DGCR6L: variants seen among roughly 807,000 people sequenced by gnomAD.
The protein encoded by DGCR6L is protein DGCR6L.
A neutral mutation model predicts 31.1 loss-of-function variants in DGCR6L; 24 were observed. The observed-to-expected ratio is 0.77, with a 90% CI of 0.56 to 1.08. The LOEUF is 1.08. Ranked by LOEUF, DGCR6L falls within the 50% of genes least tolerant of loss-of-function variation. The probability of loss-of-function intolerance (pLI) is 0.00; values close to 1 mark genes in which losing one functional copy is unlikely to be tolerated. For synonymous variants in DGCR6L, 104 were observed against 126.1 expected, an observed-to-expected ratio of 0.82 and a Z score of 1.17; for missense variants, 218 against 287.1, an observed-to-expected ratio of 0.76 and a Z score of 1.74.
chr22:20,315,021 C>T, intron 4 of DGCR6L, 197 bp from the exon 5 acceptor site: 1 of 1,336,122 alleles, frequency 7.5e-7, no homozygotes, highest in Non-Finnish European at 1.0e-6. Flanking sequence ...CCCAGCAGGG[C>T]CACTCGGAAT....
rs950871085 is a variant in DGCR6L at position 20,314,591 on chromosome 22, A to AG, written c.*83dup. On this transcript the variant is annotated 3_prime_UTR_variant, in exon 5 of 5. Transcript: ENST00000248879. ...GGGGTCCACCTGGTCTCTCCTCAGC[A>AG]GGGGGAACCCCCTGCGGGCAGCTGG... is the stretch of plus-strand genomic sequence containing the variant. 2.8e-5 allele frequency: 41 copies of AG among 1,480,284 alleles called. No homozygotes were observed. In the Admixed American group the frequency reaches 9.7e-4, roughly 35 times the overall value. 91.7% of individuals were successfully genotyped at this position (1,480,284 alleles called of 1,614,324 possible).
In DGCR6L at chr22:20,317,366, T is replaced by C. The variant is rs114963956; in HGVS notation, c.272-1147A>G. ...TGCCAGGTCCACTACCAGATTCCACTAGATAGACAACCAAAAGGCAAGAAG... is the reference window on the plus strand; with the variant it reads ...TGCCAGGTCCACTACCAGATTCCACCAGATAGACAACCAAAAGGCAAGAAG... On this transcript the variant is annotated intron_variant, in intron 2 of 4. Transcript: ENST00000248879. Among the ~76,000 whole-genome samples the C allele has an allele frequency of 4.9e-3, 745 of 152,318 alleles. 7 individuals are homozygous for C. The highest frequency in any genetic ancestry group is 0.017 in the African/African-American group (696 of 41,580).
At chr22:20,319,509 T>C (rs1346560323) in intron 2 of DGCR6L, 130 bp downstream of exon 2, 2 of 1,440,200 alleles carry the variant, frequency 1.4e-6, no homozygotes, top group East Asian at 5.0e-5. Flanking sequence ...TCTGCGCCCG[T>C]TGATTTTGTC....
chr22:20,319,744 G>A lies in DGCR6L; in HGVS notation c.166C>T (p.Leu56Phe). The A allele has an allele frequency of 2.5e-6, 4 of 1,612,888 alleles. No homozygotes were observed. Among genetic ancestry groups the A allele is most frequent in the Non-Finnish European group, 2.5e-6 (3 of 1,179,544 alleles). ...ACGATTTCGAACACGGTGCCGTCGA[G>A]AAGCGCCAGGGCCAGGTCGCTGAGC... The part of the protein sequence containing the change: ...TTLSDLALAL[L>F]DGTVFEIVQG... The change falls in exon 2 of 5, where the codon CTC becomes TTC. Residue 56 changes from leucine to phenylalanine, a missense_variant. By Grantham distance (22) the Leu-to-Phe change is conservative. Coordinates refer to ENST00000248879, the MANE Select transcript of DGCR6L (RefSeq NM_033257.4).
At chr22:20,318,412 T>A (rs1348002339) in intron 2 of DGCR6L, 1 of 152,256 alleles carries the variant, frequency 6.6e-6, no homozygotes, top group African/African-American at 2.4e-5. Context: ...GCATTTCGTC[T>A]GATAGATCAA....
In DGCR6L at chr22:20,320,001, C is replaced by A. The variant is rs746696851; in HGVS notation, c.-13G>T. The A allele has an allele frequency of 6.5e-7, 1 of 1,540,754 alleles. No individual in the cohort carries two copies. The highest frequency in any genetic ancestry group is 8.7e-7 in the Non-Finnish European group (1 of 1,149,624). On this transcript the variant is annotated 5_prime_UTR_variant, in exon 1 of 5. Coordinates refer to ENST00000248879, the MANE Select transcript of DGCR6L (RefSeq NM_033257.4). ...CGTAGCGCTCCATGGCGCGGACGCC[C>A]GCTAGCCGCCGGCGGCGGCGACGAG...
At chr22:20,315,907 G>T (rs1189918886) in intron 3 of DGCR6L, among the ~76,000 whole-genome samples, 2 of 152,196 alleles carry the variant, frequency 1.3e-5, no homozygotes, top group Non-Finnish European at 2.9e-5. Flanking sequence ...GGGAGCACTG[G>T]TGGGTTCTCA....
In DGCR6L at chr22:20,319,909, G is replaced by A. The variant is rs555364512; in HGVS notation, c.80C>T (p.Ala27Val). 3.7e-5 allele frequency: 59 copies of A among 1,610,800 alleles called. 1 individual carries two copies. The South Asian group carries it at 6.3e-4, about 17-fold the overall frequency. Residue 27 changes from alanine to valine, a missense_variant, in exon 1 of 5, where the codon GCG (alanine) becomes GTG (valine). Ala to Val is a moderately conservative substitution (Grantham distance 64). Around this residue, in one of 4 missense-constraint regions of DGCR6L, gnomAD observed 77 missense variants for 71.2 expected, o/e 1.08. Coordinates refer to ENST00000248879, the MANE Select transcript of DGCR6L (RefSeq NM_033257.4). ...CAACTCCTTCACCAGGCTCTGTAGC[G>A]CCGACAGCAACTGGTAGTGTCGCTC... Reference protein sequence around the residue: ...QQERHYQLLSALQSLVKELPS... With the variant: ...QQERHYQLLSVLQSLVKELPS...
chr22:20,316,750 G>A (rs760304156), intron 2 of DGCR6L, among the ~76,000 whole-genome samples: 22 of 152,180 alleles, frequency 1.4e-4, no homozygotes, highest in African/African-American at 4.8e-4. Flanking sequence ...CCCAGCCCCC[G>A]CACAGCGCCA....
chr22:20,316,159 T>C lies in DGCR6L; in HGVS notation c.332A>G (p.Asn111Ser), dbSNP rs758819813. 1.2e-6 allele frequency: 2 copies of C among 1,610,882 alleles called. No homozygotes were observed. The highest frequency in any genetic ancestry group is 1.1e-5 in the South Asian group (1 of 90,748). ...QEAQQACRPH[N>S]LPVVQAAQQR... Reference sequence around the variant, plus strand: ...CTGAGCCGCCTGAACCACAGGCAGGTTGTGGGGCCGGCAGGCCTGCTGGGC... The same window carrying C: ...CTGAGCCGCCTGAACCACAGGCAGGCTGTGGGGCCGGCAGGCCTGCTGGGC... The change falls in exon 3 of 5, where the codon AAC becomes AGC. Residue 111 changes from asparagine (N) to serine (S), a missense_variant. Asn to Ser is a conservative substitution (Grantham distance 46). Coordinates refer to ENST00000248879, the MANE Select transcript of DGCR6L (RefSeq NM_033257.4).
rs753748118 is a variant in DGCR6L at position 20,319,949 on chromosome 22, C to T, written c.40G>A (p.Gly14Ser). ...YAAALEEVAD[G>S]ARQQERHYQL... ...TAGTGTCGCTCCTGCTGCCGGGCAC[C>T]GTCCGCCACCTCCTCCAAGGCGGCC... The change falls in exon 1 of 5, where the codon GGT becomes AGT. Residue 14 changes from glycine to serine, a missense_variant. Physicochemically the swap from Gly to Ser is moderately conservative, Grantham distance 56. This residue lies in a region of DGCR6L where 77 missense variants were observed against 71.2 expected (regional missense o/e 1.08). Coordinates refer to ENST00000248879, the MANE Select transcript of DGCR6L (RefSeq NM_033257.4). 3.1e-6 allele frequency: 5 copies of T among 1,607,660 alleles called. No homozygotes were observed. In the South Asian group the frequency reaches 4.4e-5, roughly 14 times the overall value.
intron 2 of DGCR6L, among the ~76,000 whole-genome samples, chr22:20,316,648 A>C (rs574013753): frequency 6.2e-4 from 95 of 152,298 alleles, no homozygotes; most frequent in Middle Eastern, 6.8e-3. Context: ...GCTGACCCTG[A>C]GCGTGGGGCC....
rs1448010656 is a variant in DGCR6L, at chr22:20,315,370, C to G, written c.479G>C (p.Gly160Ala). Residue 160 changes from glycine (G) to alanine (A), a missense_variant, in exon 4 of 5, where the codon GGG becomes GCG. Around this residue, in one of 4 missense-constraint regions of DGCR6L, gnomAD observed 58 missense variants for 105.4 expected, o/e 0.55. Transcript: ENST00000248879. ...ADQQSTLEKA[G>A]VAGFYVTTNP... Reference sequence around the variant, plus strand: ...GGTGGTCACGTAGAAGCCAGCCACCCCCGCCTTCTCCAGTGTGCTCTGCTG... The same window carrying G: ...GGTGGTCACGTAGAAGCCAGCCACCGCCGCCTTCTCCAGTGTGCTCTGCTG... The G allele has an allele frequency of 6.2e-7, 1 of 1,613,892 alleles. No homozygotes were observed. The highest frequency in any genetic ancestry group is 1.1e-5 in the South Asian group (1 of 91,082).
At chr22:20,316,557 C>T (rs1396254671) in intron 2 of DGCR6L, among the ~76,000 whole-genome samples, 2 of 152,218 alleles carry the variant, frequency 1.3e-5, no homozygotes, top group Non-Finnish European at 2.9e-5. Flanking sequence ...GCCCCCATGG[C>T]CACAGGCCAT....
intron 2 of DGCR6L, among the ~76,000 whole-genome samples, chr22:20,317,330 A>T (rs1298745895): frequency 6.6e-6 from 1 of 152,252 alleles, no homozygotes; most frequent in Non-Finnish European, 1.5e-5. Context: ...CTGATCAAAC[A>T]TTGCTACAAG....
At chr22:20,315,060 C>T (rs1191139690) in intron 4 of DGCR6L, 18 of 1,216,030 alleles carry the variant, frequency 1.5e-5, no homozygotes, top group South Asian at 6.5e-5. Context: ...CAGGGCCACT[C>T]GGAATGGCAT....
intron 2 of DGCR6L, among the ~76,000 whole-genome samples, chr22:20,319,063 G>A (rs1268190804): frequency 3.3e-5 from 5 of 152,222 alleles, no homozygotes; most frequent in Admixed American, 3.3e-4. Flanking sequence ...AATAACAAAG[G>A]TGGAAACTGA....
chr22:20,315,605 G>C, intron 3 of DGCR6L, 129 bp from the exon 4 acceptor site: 1 of 1,397,116 alleles, frequency 7.2e-7, no homozygotes, highest in Non-Finnish European at 9.6e-7. Flanking sequence ...TGACACCACC[G>C]GTGCATCCTC....
In DGCR6L at chr22:20,314,656, A is replaced by G. The variant is rs556178343; in HGVS notation, c.*19T>C. 6.3e-5 allele frequency: 99 copies of G among 1,574,224 alleles called. No individual in the cohort carries two copies. The highest frequency in any genetic ancestry group is 7.5e-5 in the Non-Finnish European group (87 of 1,156,812). On this transcript the variant is annotated 3_prime_UTR_variant, in exon 5 of 5. Coordinates refer to ENST00000248879, the MANE Select transcript of DGCR6L (RefSeq NM_033257.4). ...AAGGTCAAGAAGATGAACTCTGCCC[A>G]GACTTCTGCTGCCTGTGGCTATGGT... is the stretch of plus-strand genomic sequence containing the variant.
Sources: gnomAD v4.1 joint callset for allele counts (sites outside exome capture counted in the v4.1 genomes callset) on GRCh38, gnomAD v4.1.1 for gene constraint, gnomAD v4.1.1 regional missense constraint, MANE v1.5 for transcripts, NCBI Gene and HGNC (gene_info 2026-07-23, HGNC 2026-07-21) for gene names.